The following GXYLT2 variants were observed in gnomAD, a reference collection of about 807,000 sequenced individuals.
GXYLT2 encodes the protein glucoside xylosyltransferase 2, also known as glycosyltransferase 8 domain containing 4.
In GXYLT2, 53 loss-of-function variants were observed where a neutral mutation model predicts 45.8. That is an observed-to-expected ratio of 1.16 (90% confidence interval 0.93 to 1.46). The LOEUF (loss-of-function observed/expected upper bound fraction) is 1.46. GXYLT2 is among the 40% of genes most tolerant of loss of function. The pLI, the probability that GXYLT2 is intolerant of heterozygous loss-of-function variation, is 0.00. For synonymous variants in GXYLT2, 219 were observed against 214.2 expected, an observed-to-expected ratio of 1.02 and a Z score of -0.19; for missense variants, 551 against 544.4, an observed-to-expected ratio of 1.01 and a Z score of -0.12.
At chr3:72,936,073 C>T (rs1289235767) in intron 3 of GXYLT2, among the ~76,000 whole-genome samples, 1 of 152,028 alleles carries the variant, frequency 6.6e-6, no homozygotes, top group African/African-American at 2.4e-5. Flanking sequence ...GGGTGGATCA[C>T]GAGGTCAGGA....
intron 2 of GXYLT2, among the ~76,000 whole-genome samples, chr3:72,912,013 A>ATATATATATTTT (rs1156864738): frequency 8.7e-6 from 1 of 114,890 alleles, no homozygotes; most frequent in African/African-American, 4.0e-5. Flanking sequence ...ATATATATAT[A>ATATATATATTTT]TTTTTTTTTT....
intron 1 of GXYLT2, among the ~76,000 whole-genome samples, chr3:72,895,784 A>G (rs114044442): frequency 6.6e-6 from 1 of 152,196 alleles, no homozygotes; most frequent in Non-Finnish European, 1.5e-5. Flanking sequence ...TTTTGACATG[A>G]TACCTTCATT....
At chr3:72,972,732 C>T (rs999380667) in intron 6 of GXYLT2, among the ~76,000 whole-genome samples, 24 of 138,062 alleles carry the variant, frequency 1.7e-4, no homozygotes, top group African/African-American at 5.2e-4. Flanking sequence ...TCAGCCTGGG[C>T]GACATAGTGA....
chr3:72,932,496 C>A (rs1710058313), intron 3 of GXYLT2, among the ~76,000 whole-genome samples: 1 of 152,068 alleles, frequency 6.6e-6, no homozygotes, highest in South Asian at 2.1e-4. Context: ...ATTTCTGAAC[C>A]AATCATTATG....
intron 1 of GXYLT2, among the ~76,000 whole-genome samples, chr3:72,893,848 G>A (rs555504078): frequency 1.3e-5 from 2 of 151,304 alleles, no homozygotes; most frequent in South Asian, 4.2e-4. Flanking sequence ...TTATTATTTG[G>A]GTTTTTTTTT....
intron 1 of GXYLT2, among the ~76,000 whole-genome samples, chr3:72,903,236 C>T (rs1709440456): frequency 6.6e-6 from 1 of 152,160 alleles, no homozygotes; most frequent in Non-Finnish European, 1.5e-5. Flanking sequence ...AGGTCTTACG[C>T]AAGACCATTT....
At chr3:72,955,060 C>G in intron 3 of GXYLT2, 38 bp from the exon 4 acceptor site, 1 of 1,596,302 alleles carries the variant, frequency 6.3e-7, no homozygotes. Flanking sequence ...TGTTTTCTTC[C>G]CTCCTCTCCC....
At chr3:72,935,530 G>T (rs1002667996) in intron 3 of GXYLT2, among the ~76,000 whole-genome samples, 25 of 151,948 alleles carry the variant, frequency 1.6e-4, no homozygotes, top group Non-Finnish European at 3.1e-4. Context: ...ACATATAATG[G>T]AAAAAACCAT....
intron 3 of GXYLT2, among the ~76,000 whole-genome samples, chr3:72,946,875 GT>G (rs1710422072): frequency 6.6e-6 from 1 of 152,072 alleles, no homozygotes; most frequent in Non-Finnish European, 1.5e-5. Context: ...CTAGGCCTCT[GT>G]GCAGTGGTGT....
At chr3:72,938,887 C>T (rs372015172) in intron 3 of GXYLT2, among the ~76,000 whole-genome samples, 2 of 152,296 alleles carry the variant, frequency 1.3e-5, no homozygotes, top group African/African-American at 4.8e-5. Context: ...TTGCTTTGCT[C>T]AACTCAGAAG....
chr3:72,969,920 AAC>A (rs962255629), intron 6 of GXYLT2, among the ~76,000 whole-genome samples: 12 of 150,472 alleles, frequency 8.0e-5, no homozygotes, highest in East Asian at 2.0e-4. Context: ...AAAAAAAAAA[AAC>A]AAAAACATTT....
chr3:72,889,881 G>A (rs1575770263), intron 1 of GXYLT2, among the ~76,000 whole-genome samples: 1 of 147,378 alleles, frequency 6.8e-6, no homozygotes, highest in Non-Finnish European at 1.5e-5. Context: ...CCCCCCCACC[G>A]CTGTTTTTCT....
chr3:72,934,917 G>A (rs1006073935), intron 3 of GXYLT2, among the ~76,000 whole-genome samples: 2 of 152,170 alleles, frequency 1.3e-5, no homozygotes, highest in Non-Finnish European at 2.9e-5. Context: ...GACATGGAAG[G>A]ATTCCCCATT....
chr3:72,913,156 G>T (rs1271188964), intron 2 of GXYLT2, among the ~76,000 whole-genome samples: 1 of 150,800 alleles, frequency 6.6e-6, no homozygotes, highest in Non-Finnish European at 1.5e-5. Context: ...TCCTGCCTCA[G>T]CCTCCCGAGT....
chr3:72,957,443 G>T, intron 5 of GXYLT2, 91 bp downstream of exon 5: 1 of 1,320,614 alleles, frequency 7.6e-7, no homozygotes. Flanking sequence ...TATTGACTAG[G>T]CTTGAATTGT....
Position 72,961,659 on chromosome 3 carries a change from C to CAA in GXYLT2, c.976+4322_976+4323dup, listed in dbSNP as rs771569626. On this transcript the variant is annotated intron_variant, in intron 5 of 6. Transcript: ENST00000389617. ...TCTGTTTCCTAATTTGAATTCTTAG[C>CAA]AAAAAAAAAAAAAAAAGAGAGAGAG... 7.8e-3 allele frequency among the ~76,000 whole-genome samples: 742 copies of CAA among 94,748 alleles called. 9 individuals are homozygous for CAA. Among genetic ancestry groups the CAA allele is most frequent in the East Asian group, 0.028 (81 of 2,854 alleles). 62.2% of individuals were successfully genotyped at this position (94,748 alleles called of 152,430 possible). A position where few individuals can be genotyped will look rare whatever the true frequency, so the allele number is the denominator to read the frequency against.
At chr3:72,932,787 A>C (rs1000840164) in intron 3 of GXYLT2, among the ~76,000 whole-genome samples, 1 of 152,242 alleles carries the variant, frequency 6.6e-6, no homozygotes, top group African/African-American at 2.4e-5. Context: ...TGGCCTTTAG[A>C]AAATGTAATA....
At chr3:72,917,558 C>T (rs746950250) in intron 2 of GXYLT2, among the ~76,000 whole-genome samples, 2 of 151,850 alleles carry the variant, frequency 1.3e-5, no homozygotes, top group African/African-American at 4.8e-5. Context: ...ATGTTTATAT[C>T]CCAGCCTGGG....
intron 1 of GXYLT2, among the ~76,000 whole-genome samples, chr3:72,905,664 G>C (rs77781939): frequency 0.078 from 11,897 of 152,118 alleles, 482 homozygotes; most frequent in Admixed American, 0.09. Flanking sequence ...TGCGGGGGTG[G>C]AAGGTGTACA....
Sources: gnomAD v4.1 joint callset for allele counts (sites outside exome capture counted in the v4.1 genomes callset) on GRCh38, gnomAD v4.1.1 for gene constraint, MANE v1.5 for transcripts, NCBI Gene and HGNC (gene_info 2026-07-23, HGNC 2026-07-21) for gene names.